Variants in SNTB1 observed in about 807,000 individuals in gnomAD.
SNTB1 encodes syntrophin beta 1, also known as beta-1-syntrophin.
A neutral mutation model predicts 48.9 loss-of-function variants in SNTB1; 36 were observed. The observed-to-expected ratio is 0.74, with a 90% confidence interval of 0.56 to 0.97. The LOEUF (loss-of-function observed/expected upper bound fraction) is 0.97, where lower values mean the gene tolerates loss of function less well. Ranked by LOEUF, SNTB1 falls within the 50% of genes least tolerant of loss-of-function variation. The pLI, the probability that SNTB1 is intolerant of heterozygous loss-of-function variation, is 0.00. For synonymous variants in SNTB1, 299 were observed against 294.6 expected, an observed-to-expected ratio of 1.01 and a Z score of -0.15; for missense variants, 786 against 703.4, an observed-to-expected ratio of 1.12 and a Z score of -1.33.
intron 1 of SNTB1, among the ~76,000 whole-genome samples, chr8:120,749,535 A>AT (rs909540170): frequency 6.6e-6 from 1 of 151,304 alleles, no homozygotes; most frequent in Non-Finnish European, 1.5e-5. Flanking sequence ...ATCTTATTCT[A>AT]TTTTTTTCTG....
intron 1 of SNTB1, among the ~76,000 whole-genome samples, chr8:120,744,604 T>C (rs185535969): frequency 1.3e-5 from 2 of 152,290 alleles, no homozygotes; most frequent in East Asian, 3.9e-4. Context: ...GGAATAATTT[T>C]TCCTTCTATT....
intron 3 of SNTB1, among the ~76,000 whole-genome samples, chr8:120,583,514 A>AACACACACACACAC (rs10524445): frequency 1.0e-4 from 15 of 143,156 alleles, no homozygotes; most frequent in African/African-American, 3.5e-4. Flanking sequence ...TCCGTCTCAA[A>AACACACACACACAC]ACACACACAC....
At chr8:120,544,182 G>A (rs908128399) in intron 5 of SNTB1, among the ~76,000 whole-genome samples, 3 of 152,152 alleles carry the variant, frequency 2.0e-5, no homozygotes, top group East Asian at 1.9e-4. Context: ...TTAAATAAAT[G>A]TTAAAGCTAT....
At chr8:120,666,120 A>G (rs1379554112) in intron 2 of SNTB1, among the ~76,000 whole-genome samples, 3 of 152,232 alleles carry the variant, frequency 2.0e-5, no homozygotes, top group Non-Finnish European at 4.4e-5. Context: ...TTTGATTAGT[A>G]TGGCATTGGA....
chr8:120,631,964 G>A (rs532343486), intron 3 of SNTB1, among the ~76,000 whole-genome samples: 1 of 152,262 alleles, frequency 6.6e-6, no homozygotes, highest in Non-Finnish European at 1.5e-5. Flanking sequence ...CATAAGAAAA[G>A]AGCCAGCATA....
intron 1 of SNTB1, among the ~76,000 whole-genome samples, chr8:120,714,265 A>G (rs1168339409): frequency 6.6e-6 from 1 of 152,138 alleles, no homozygotes; most frequent in East Asian, 1.9e-4. Context: ...TACATTTAAG[A>G]AAGCAGTGCG....
intron 1 of SNTB1, among the ~76,000 whole-genome samples, chr8:120,740,241 T>G (rs1819021416): frequency 6.6e-6 from 1 of 152,148 alleles, no homozygotes; most frequent in Admixed American, 6.5e-5. Context: ...GCTGTCACAG[T>G]CAAGAACTTG....
At chr8:120,578,948 G>A (rs1381750697) in intron 3 of SNTB1, among the ~76,000 whole-genome samples, 1 of 152,160 alleles carries the variant, frequency 6.6e-6, no homozygotes, top group Non-Finnish European at 1.5e-5. Context: ...AGGCCGAGGT[G>A]GGCAGATCAC....
At chr8:120,759,911 A>G (rs2130061082) in intron 1 of SNTB1, among the ~76,000 whole-genome samples, 1 of 152,308 alleles carries the variant, frequency 6.6e-6, no homozygotes, top group Non-Finnish European at 1.5e-5. Flanking sequence ...CACAGTGTCA[A>G]GGGATTCAAA....
intron 2 of SNTB1, 55 bp from the exon 3 acceptor site, chr8:120,632,706 C>A (rs1384237416): frequency 6.8e-7 from 1 of 1,475,740 alleles, no homozygotes; most frequent in South Asian, 1.1e-5. Flanking sequence ...CCTGCTTCGT[C>A]AAGATCTGGG....
intron 1 of SNTB1, among the ~76,000 whole-genome samples, chr8:120,726,577 C>T (rs556520027): frequency 5.3e-5 from 8 of 152,144 alleles, no homozygotes; most frequent in East Asian, 3.9e-4. Context: ...ATATCATTAC[C>T]AGGAAAATTA....
In SNTB1 at chr8:120,538,609, C is replaced by G; in HGVS notation, c.*268G>C. The stretch of plus-strand genomic sequence containing the variant: ...TGGTTGTCATTATTTCAAAGCTATG[C>G]TGTGTATTTCCCGTCACCTCACCTC... On this transcript the variant is annotated 3_prime_UTR_variant, in exon 7 of 7. Transcript: ENST00000517992. 1 of 531,624 alleles carries G rather than the reference C, an allele frequency of 1.9e-6. No homozygotes were observed. 32.9% of individuals were successfully genotyped at this position (531,624 alleles called of 1,614,324 possible).
intron 3 of SNTB1, among the ~76,000 whole-genome samples, chr8:120,598,013 A>G (rs1563827702): frequency 6.6e-6 from 1 of 152,192 alleles, no homozygotes; most frequent in Non-Finnish European, 1.5e-5. Flanking sequence ...TTAATTCCTC[A>G]AGAGTAAACT....
chr8:120,602,855 A>T (rs1036256080), intron 3 of SNTB1, among the ~76,000 whole-genome samples: 2 of 151,596 alleles, frequency 1.3e-5, no homozygotes, highest in African/African-American at 4.8e-5. Flanking sequence ...TTCTGTGTAT[A>T]AGCTATGTAA....
intron 2 of SNTB1, among the ~76,000 whole-genome samples, chr8:120,644,087 G>A (rs1458171235): frequency 6.6e-6 from 1 of 152,034 alleles, no homozygotes; most frequent in Non-Finnish European, 1.5e-5. Flanking sequence ...AGCAAATGTA[G>A]AGGGAGAGTT....
intron 1 of SNTB1, among the ~76,000 whole-genome samples, chr8:120,751,159 T>C (rs1819206975): frequency 6.6e-6 from 1 of 151,952 alleles, no homozygotes. Flanking sequence ...AGTGCTTAAG[T>C]AAAAAGTGGA....
Position 120,727,871 on chromosome 8 carries a change from G to A in SNTB1, c.572-33963C>T, listed in dbSNP as rs545662227. The stretch of plus-strand genomic sequence containing the variant: ...ACCATATAGCTTCCTATCCTAGACC[G>A]GAAGAATTCACACAAGATTAGAACC... On this transcript the variant is annotated intron_variant, in intron 1 of 6. Coordinates refer to ENST00000517992, the MANE Select transcript of SNTB1 (RefSeq NM_021021.4). Among the ~76,000 whole-genome samples the A allele has an allele frequency of 1.1e-4, 16 of 152,244 alleles. No individual in the cohort carries two copies. In the South Asian group the frequency reaches 1.9e-3, roughly 18 times the overall value.
intron 3 of SNTB1, among the ~76,000 whole-genome samples, chr8:120,630,973 T>C (rs909814273): frequency 2.6e-5 from 4 of 152,170 alleles, no homozygotes; most frequent in Non-Finnish European, 5.9e-5. Context: ...AGATGGAGAC[T>C]TAGACCTAAT....
chr8:120,582,894 A>G (rs1816072885), intron 3 of SNTB1, among the ~76,000 whole-genome samples: 1 of 152,152 alleles, frequency 6.6e-6, no homozygotes, highest in African/African-American at 2.4e-5. Flanking sequence ...ACCTGTTCAT[A>G]GCATGTTCTG....
Sources: gnomAD v4.1 joint callset for allele counts (sites outside exome capture counted in the v4.1 genomes callset) on GRCh38, gnomAD v4.1.1 for gene constraint, MANE v1.5 for transcripts, NCBI Gene and HGNC (gene_info 2026-07-23, HGNC 2026-07-21) for gene names.